Variants in KMT2E observed in about 807,000 individuals in gnomAD.
The protein encoded by KMT2E is lysine methyltransferase 2E (inactive).
Under a neutral mutation model 184.6 loss-of-function variants are expected in KMT2E, and 30 were observed. That is an observed-to-expected ratio of 0.16 (90% CI 0.12 to 0.22). The LOEUF (loss-of-function observed/expected upper bound fraction) is 0.22, where lower values mean the gene tolerates loss of function less well. KMT2E is among the 10% of genes least tolerant of loss of function. KMT2E has a pLI of 1.00. For missense variants in KMT2E, 2,023 were observed against 2,237.4 expected (o/e 0.90, Z 1.93); for synonymous variants, 815 against 776.5 (o/e 1.05, Z -0.82).
intron 1 of KMT2E, among the ~76,000 whole-genome samples, chr7:105,020,013 C>G (rs967260221): frequency 6.6e-6 from 1 of 150,400 alleles, no homozygotes; most frequent in Non-Finnish European, 1.5e-5. Context: ...GAGGGCGAGG[C>G]AGGAGAATTG....
At chr7:105,029,028 G>A (rs1795289148) in intron 1 of KMT2E, among the ~76,000 whole-genome samples, 2 of 152,084 alleles carry the variant, frequency 1.3e-5, no homozygotes, top group South Asian at 4.2e-4. Context: ...ACTTTGGGAG[G>A]ACGAGGTAGG....
intron 6 of KMT2E, 139 bp from the exon 7 acceptor site, chr7:105,073,480 T>C: frequency 1.8e-6 from 1 of 559,970 alleles, no homozygotes; most frequent in Non-Finnish European, 3.2e-6. Context: ...GTATGTAAAC[T>C]GTATTGCAAG....
At position 105,101,600 on chromosome 7, in the gene KMT2E, T is replaced by C. The variant is rs774126071; in HGVS notation, c.1887+11T>C. 6.6e-7 allele frequency: 1 copy of C among 1,518,422 alleles called. No homozygotes were observed. Among genetic ancestry groups the C allele is most frequent in the East Asian group, 2.4e-5 (1 of 41,620 alleles). The allele number at this position is 1,518,422 out of a possible 1,614,324, so 94.1% of individuals were successfully genotyped here. ...GCTGAAGTTATTCAGGTATTATTTA[T>C]TCAGGTCGTTTTATTTTCTTAAACA... On this transcript the variant is annotated intron_variant, in intron 16 of 26. Transcript: ENST00000311117.
At chr7:105,062,879 C>T (rs1796877462) in intron 4 of KMT2E, among the ~76,000 whole-genome samples, 1 of 151,722 alleles carries the variant, frequency 6.6e-6, no homozygotes, top group South Asian at 2.1e-4. Context: ...ATACTTACTA[C>T]TTGGACCAGA....
At chr7:105,015,270 G>A (rs1428459484) in intron 1 of KMT2E, among the ~76,000 whole-genome samples, 1 of 152,144 alleles carries the variant, frequency 6.6e-6, no homozygotes, top group African/African-American at 2.4e-5. Context: ...AAATTCTATG[G>A]CAGCAGACAC....
chr7:105,086,298 C>T, intron 13 of KMT2E, among the ~76,000 whole-genome samples: 1 of 152,088 alleles, frequency 6.6e-6, no homozygotes, highest in East Asian at 1.9e-4. Flanking sequence ...ATGGTAGGGA[C>T]ATAGGAGTGG....
intron 13 of KMT2E, among the ~76,000 whole-genome samples, chr7:105,087,215 T>C (rs1363945644): frequency 6.8e-6 from 1 of 146,648 alleles, no homozygotes; most frequent in Non-Finnish European, 1.5e-5. Context: ...GCTTATATAA[T>C]ATATATTATA....
chr7:105,027,598 G>T (rs1049516453), intron 1 of KMT2E, among the ~76,000 whole-genome samples: 2 of 152,118 alleles, frequency 1.3e-5, no homozygotes, highest in African/African-American at 4.8e-5. Context: ...TCATTTTTGT[G>T]TGTAAAGTGC....
chr7:105,113,600 C>G lies in KMT2E; in HGVS notation c.*267C>G, dbSNP rs200957903. On this transcript the variant is annotated 3_prime_UTR_variant, in exon 27 of 27. Transcript: ENST00000311117. ...TGATGCTGATTTGATGCTGTATGAT[C>G]TTTTTTTTTTTTTTAGTTAAATTCA... is the stretch of plus-strand genomic sequence containing the variant. 5.0e-6 allele frequency: 1 copy of G among 201,062 alleles called. No individual in the cohort carries two copies. Among genetic ancestry groups the G allele is most frequent in the Non-Finnish European group, 9.8e-6 (1 of 102,046 alleles). 12.5% of individuals were successfully genotyped at this position (201,062 alleles called of 1,614,324 possible).
At chr7:105,015,075 A>T (rs1584675958) in intron 1 of KMT2E, among the ~76,000 whole-genome samples, 1 of 149,616 alleles carries the variant, frequency 6.7e-6, no homozygotes, top group African/African-American at 2.6e-5. Context: ...AGAGCGAGAC[A>T]GCTAGCTCCT....
intron 3 of KMT2E, among the ~76,000 whole-genome samples, chr7:105,045,516 A>G (rs1796067738): frequency 1.3e-5 from 2 of 152,184 alleles, no homozygotes; most frequent in Admixed American, 6.5e-5. Flanking sequence ...CCTATTCTAG[A>G]TACCTCATAT....
At chr7:105,059,882 A>G (rs769057871) in intron 3 of KMT2E, among the ~76,000 whole-genome samples, 3 of 151,002 alleles carry the variant, frequency 2.0e-5, no homozygotes, top group Non-Finnish European at 2.9e-5. Context: ...ATCAGCATGT[A>G]TTAATTTTGA....
chr7:105,038,025 TGTGA>T (rs1463320610), intron 1 of KMT2E, 97 bp from the exon 2 acceptor site: 3 of 152,198 alleles, frequency 2.0e-5, no homozygotes, highest in African/African-American at 7.2e-5. Flanking sequence ...GGCTGCTTTG[TGTGA>T]GTCACTTTGG....
chr7:105,055,217 GTTT>G (rs1374514810), intron 3 of KMT2E, among the ~76,000 whole-genome samples: 3 of 130,988 alleles, frequency 2.3e-5, no homozygotes, highest in Non-Finnish European at 3.3e-5. Context: ...TTCTTTTTAG[GTTT>G]TTTTTTTTTT....
intron 15 of KMT2E, among the ~76,000 whole-genome samples, chr7:105,095,075 T>C (rs1240686005): frequency 6.6e-6 from 1 of 152,156 alleles, no homozygotes. Context: ...CACCAGGGTA[T>C]TTATGTATTT....
intron 6 of KMT2E, among the ~76,000 whole-genome samples, chr7:105,071,582 G>GTATATATA (rs1554392567): frequency 1.5e-3 from 53 of 34,924 alleles, no homozygotes; most frequent in East Asian, 2.2e-3. Context: ...ATGTGTGTGT[G>GTATATATA]TATATATATA....
At position 105,107,176 on chromosome 7, in the gene KMT2E, C is replaced by A; in HGVS notation, c.2858C>A (p.Ser953Tyr). 1 of 1,514,638 alleles carries A rather than the reference C, an allele frequency of 6.6e-7. No homozygotes were observed. Among genetic ancestry groups the A allele is most frequent in the South Asian group, 1.2e-5 (1 of 80,784 alleles). 93.8% of individuals were successfully genotyped at this position (1,514,638 alleles called of 1,614,324 possible). A position where few individuals can be genotyped will look rare whatever the true frequency, so the allele number is the denominator to read the frequency against. The stretch of plus-strand genomic sequence containing the variant: ...TTTCTTTATATACAGAATATTTCTT[C>A]CCCAGAAAGTTCTCCAGAAATAAAG... ...GNTMHFENISSPESSPEIKRR... is the reference protein window; with the variant it reads ...GNTMHFENISYPESSPEIKRR... Residue 953 changes from serine (S) to tyrosine (Y), a missense_variant, in exon 21 of 27, where the codon TCC becomes TAC. Physicochemically the swap from Ser to Tyr is moderately radical, Grantham distance 144. Coordinates refer to ENST00000311117, the MANE Select transcript of KMT2E (RefSeq NM_182931.3).
chr7:105,062,748 G>C (rs1796869605), intron 4 of KMT2E, among the ~76,000 whole-genome samples: 1 of 151,416 alleles, frequency 6.6e-6, no homozygotes, highest in East Asian at 1.9e-4. Context: ...TATTTCATAG[G>C]TGAGAAAATA....
At chr7:105,104,451 G>T (rs1040682614) in intron 17 of KMT2E, 1 of 152,164 alleles carries the variant, frequency 6.6e-6, no homozygotes, top group African/African-American at 2.4e-5. Flanking sequence ...ATTTGGGGAG[G>T]TTAAGGTGGG....
Sources: gnomAD v4.1 joint callset for allele counts (sites outside exome capture counted in the v4.1 genomes callset) on GRCh38, gnomAD v4.1.1 for gene constraint, MANE v1.5 for transcripts, NCBI Gene and HGNC (gene_info 2026-07-23, HGNC 2026-07-21) for gene names.